The following CNIH3 variants were observed in gnomAD, a reference collection of about 807,000 sequenced individuals.
CNIH3 encodes the protein cornichon family AMPA receptor auxiliary protein 3, also known as protein cornichon homolog 3.
Under a neutral mutation model 24.1 loss-of-function variants are expected in CNIH3, and 14 were observed. The ratio of observed to expected loss-of-function variants is 0.58; its 90% CI spans 0.38 to 0.91. The LOEUF is 0.91. Among genes scored for constraint, CNIH3 ranks in the 40% least tolerant of loss-of-function variants. The probability of loss-of-function intolerance (pLI) is 0.00; values close to 1 mark genes in which losing one functional copy is unlikely to be tolerated. For missense variants in CNIH3, 178 were observed against 196.8 expected (o/e 0.90, Z 0.57); for synonymous variants, 68 against 73.8 (o/e 0.92, Z 0.40).
intron 3 of CNIH3, among the ~76,000 whole-genome samples, chr1:224,561,996 G>A (rs936581673): frequency 6.6e-6 from 1 of 151,604 alleles, no homozygotes; most frequent in African/African-American, 2.4e-5. Flanking sequence ...GCAAGGGAGG[G>A]GGTGGAGTTG....
At chr1:224,461,895 C>T (rs1234973184) in intron 1 of CNIH3, among the ~76,000 whole-genome samples, 1 of 152,158 alleles carries the variant, frequency 6.6e-6, no homozygotes, top group Non-Finnish European at 1.5e-5. Flanking sequence ...TGGAGTCATA[C>T]AGTATATAGT....
At chr1:224,605,780 C>T (rs141369867) in intron 3 of CNIH3, among the ~76,000 whole-genome samples, 62 of 152,240 alleles carry the variant, frequency 4.1e-4, no homozygotes, top group African/African-American at 1.4e-3. Context: ...GCCTCCCCTA[C>T]TAATCAGCAT....
intron 3 of CNIH3, among the ~76,000 whole-genome samples, chr1:224,716,766 C>T (rs577668187): frequency 4.5e-4 from 69 of 152,252 alleles, no homozygotes; most frequent in African/African-American, 1.2e-3. Context: ...CTGCCTTCCC[C>T]TCCCTCTCTT....
intron 3 of CNIH3, among the ~76,000 whole-genome samples, chr1:224,729,586 A>G (rs1689214412): frequency 6.6e-6 from 1 of 151,944 alleles, no homozygotes; most frequent in Admixed American, 6.6e-5. Context: ...ATCTCCCTAT[A>G]TAACTGGGTA....
chr1:224,713,319 G>A (rs1489635126), intron 3 of CNIH3, among the ~76,000 whole-genome samples: 3 of 152,182 alleles, frequency 2.0e-5, no homozygotes, highest in South Asian at 2.1e-4. Context: ...TTATCATGGC[G>A]AAGTCTTTGC....
downstream of CNIH3, among the ~76,000 whole-genome samples, chr1:224,593,036 T>A (rs1359825405): frequency 6.6e-6 from 1 of 151,980 alleles, no homozygotes; most frequent in African/African-American, 2.4e-5. Flanking sequence ...GAAAGCTACA[T>A]CCCATTACTC....
intron 1 of CNIH3, among the ~76,000 whole-genome samples, chr1:224,504,096 C>A (rs1035833836): frequency 1.3e-5 from 2 of 152,230 alleles, no homozygotes; most frequent in African/African-American, 4.8e-5. Flanking sequence ...CTTACTTAAA[C>A]AGGCTGTTTT....
intron 4 of CNIH3, chr1:224,575,136 A>C: frequency 1.0e-6 from 1 of 955,678 alleles, no homozygotes; most frequent in East Asian, 2.4e-5. Context: ...GGAAGATCCC[A>C]GGATCAAGGC....
intron 4 of CNIH3, among the ~76,000 whole-genome samples, chr1:224,731,578 G>A (rs1212180870): frequency 6.6e-6 from 1 of 152,180 alleles, no homozygotes; most frequent in Middle Eastern, 3.2e-3. Context: ...CCTAAGACAT[G>A]CACTCCTTCA....
intron 3 of CNIH3, among the ~76,000 whole-genome samples, chr1:224,602,210 AAT>A (rs1248159365): frequency 2.0e-5 from 3 of 152,208 alleles, no homozygotes; most frequent in Non-Finnish European, 4.4e-5. Context: ...TCATTTCAGT[AAT>A]GTTTTCCAAC....
intron 1 of CNIH3, among the ~76,000 whole-genome samples, chr1:224,517,977 A>G (rs563403984): frequency 3.3e-5 from 5 of 152,304 alleles, no homozygotes; most frequent in Non-Finnish European, 7.4e-5. Context: ...ATAAAGCTTG[A>G]TAAACCGAGC....
chr1:224,482,169 A>T (rs1424058164), intron 1 of CNIH3, among the ~76,000 whole-genome samples: 2 of 152,078 alleles, frequency 1.3e-5, no homozygotes, highest in Non-Finnish European at 2.9e-5. Context: ...AGGTCTAGAG[A>T]TGCTGTTCAA....
At chr1:224,614,897 G>A (rs1682873306), upstream of CNIH3, among the ~76,000 whole-genome samples, 1 of 148,058 alleles carries the variant, frequency 6.8e-6, no homozygotes, top group African/African-American at 2.5e-5. Context: ...CAGAGATCAC[G>A]CCACTGCACT....
intron 1 of CNIH3, among the ~76,000 whole-genome samples, chr1:224,464,109 C>T (rs996631926): frequency 5.3e-5 from 8 of 151,908 alleles, no homozygotes; most frequent in African/African-American, 1.9e-4. Context: ...TCATTCTTTT[C>T]GGAGTATCTT....
At chr1:224,729,398 T>A (rs1454799833) in intron 3 of CNIH3, among the ~76,000 whole-genome samples, 1 of 102,770 alleles carries the variant, frequency 9.7e-6, no homozygotes, top group Non-Finnish European at 1.8e-5. Context: ...GGCAACAGAG[T>A]AAGACTATGT....
intron 1 of CNIH3, among the ~76,000 whole-genome samples, chr1:224,443,695 A>C (rs570115229): frequency 1.3e-4 from 18 of 142,594 alleles, no homozygotes; most frequent in Middle Eastern, 3.6e-3. Context: ...ATCTATAGAT[A>C]TAGATATATA....
intron 3 of CNIH3, among the ~76,000 whole-genome samples, chr1:224,691,798 C>A (rs1340427211): frequency 6.6e-6 from 1 of 152,162 alleles, no homozygotes; most frequent in Non-Finnish European, 1.5e-5. Context: ...AAGCATGTGG[C>A]ACTTCTAAAA....
At chr1:224,634,429 C>A (rs922495176) in intron 1 of CNIH3, among the ~76,000 whole-genome samples, 2 of 152,010 alleles carry the variant, frequency 1.3e-5, no homozygotes, top group African/African-American at 2.4e-5. Flanking sequence ...ATTAGCTGGG[C>A]ATGGTGGCAC....
chr1:224,555,934 A>G (rs1286047377), intron 3 of CNIH3, among the ~76,000 whole-genome samples: 1 of 152,188 alleles, frequency 6.6e-6, no homozygotes, highest in African/African-American at 2.4e-5. Context: ...CCCACCAGTT[A>G]GATGGTTGTA....
Sources: gnomAD v4.1 joint callset for allele counts (sites outside exome capture counted in the v4.1 genomes callset) on GRCh38, gnomAD v4.1.1 for gene constraint, MANE v1.5 for transcripts, NCBI Gene and HGNC (gene_info 2026-07-23, HGNC 2026-07-21) for gene names.